Variants in RALYL observed in about 807,000 individuals in gnomAD.
The protein encoded by RALYL is RALY RNA binding protein like.
Under a neutral mutation model 35.1 loss-of-function variants are expected in RALYL, and 29 were observed. That is an observed-to-expected ratio of 0.83 (90% CI 0.61 to 1.13). RALYL has a LOEUF of 1.13. Ranked by LOEUF, RALYL falls within the 50% of genes most tolerant of loss-of-function variation. The probability of loss-of-function intolerance (pLI) is 0.00; values close to 1 mark genes in which losing one functional copy is unlikely to be tolerated. For synonymous variants in RALYL, 120 were observed against 127.6 expected (o/e 0.94, Z 0.40); for missense variants, 359 against 360.4 (o/e 1.00, Z 0.03).
At chr8:84,537,173 A>C (rs1203249110) in intron 2 of RALYL, among the ~76,000 whole-genome samples, 1 of 149,460 alleles carries the variant, frequency 6.7e-6, no homozygotes, top group South Asian at 2.1e-4. Context: ...AAAAAAAAAA[A>C]AAACTCTATT....
chr8:84,693,000 T>A (rs1206622972), intron 2 of RALYL, among the ~76,000 whole-genome samples: 1 of 151,958 alleles, frequency 6.6e-6, no homozygotes, highest in Non-Finnish European at 1.5e-5. Flanking sequence ...TCTTCATAAA[T>A]AACATAGCCC....
rs892326713 is a variant in RALYL, at chr8:84,382,847, G to A, written c.-23-146452G>A. The stretch of plus-strand genomic sequence containing the variant: ...GTTATTTCATTTGTGAGCTTCTTTC[G>A]TAATAAAGACTCGTCAAATTTTCTA... On this transcript the variant is annotated intron_variant, in intron 1 of 8. Transcript: ENST00000521268. 5.3e-5 allele frequency among the ~76,000 whole-genome samples: 8 copies of A among 151,534 alleles called. No homozygotes were observed. The East Asian group carries it at 1.2e-3, about 22-fold the overall frequency.
chr8:84,501,292 T>G (rs1409806416), intron 1 of RALYL, among the ~76,000 whole-genome samples: 2 of 152,154 alleles, frequency 1.3e-5, no homozygotes, highest in Non-Finnish European at 2.9e-5. Context: ...ACATATTGTT[T>G]AAAAATGCGT....
chr8:84,472,556 AT>A (rs1563995081), intron 1 of RALYL, among the ~76,000 whole-genome samples: 1 of 152,212 alleles, frequency 6.6e-6, no homozygotes, highest in African/African-American at 2.4e-5. Flanking sequence ...ACTGGAATAC[AT>A]AAAGTACAGC....
chr8:84,762,576 G>T (rs1293468892), intron 2 of RALYL, among the ~76,000 whole-genome samples: 3 of 152,104 alleles, frequency 2.0e-5, no homozygotes, highest in Non-Finnish European at 2.9e-5. Context: ...CATAAGCAAT[G>T]GATTTTTTAA....
intron 3 of RALYL, among the ~76,000 whole-genome samples, chr8:84,802,051 C>T (rs1823427834): frequency 6.6e-6 from 1 of 152,148 alleles, no homozygotes; most frequent in African/African-American, 2.4e-5. Context: ...CATACTTTTT[C>T]TATAAAGGCC....
chr8:84,398,317 T>TA (rs1263955089), intron 1 of RALYL, among the ~76,000 whole-genome samples: 1 of 152,082 alleles, frequency 6.6e-6, no homozygotes, highest in Admixed American at 6.5e-5. Flanking sequence ...CTTTTTTTTT[T>TA]ATCCTTGCCA....
At chr8:84,464,408 T>C (rs1647192220) in intron 1 of RALYL, among the ~76,000 whole-genome samples, 1 of 151,454 alleles carries the variant, frequency 6.6e-6, no homozygotes, top group East Asian at 1.9e-4. Context: ...TTTTTGTTCT[T>C]GCGATAGTTT....
intron 5 of RALYL, among the ~76,000 whole-genome samples, chr8:84,854,471 T>C (rs1323462682): frequency 3.3e-5 from 5 of 152,210 alleles, no homozygotes; most frequent in Admixed American, 1.3e-4. Context: ...TTTTCTTCCA[T>C]TATAGCTGAT....
intron 1 of RALYL, among the ~76,000 whole-genome samples, chr8:84,265,075 C>G (rs1833034340): frequency 6.6e-6 from 1 of 152,150 alleles, no homozygotes. Flanking sequence ...GCTTGTAAAG[C>G]CTGCCCTAAT....
At chr8:84,231,002 G>A (rs1042315812) in intron 1 of RALYL, among the ~76,000 whole-genome samples, 6 of 152,130 alleles carry the variant, frequency 3.9e-5, no homozygotes, top group African/African-American at 1.4e-4. Context: ...TGGATATTAG[G>A]GATGCCAAGA....
chr8:84,417,716 C>G (rs918576644), intron 1 of RALYL, among the ~76,000 whole-genome samples: 37 of 151,968 alleles, frequency 2.4e-4, no homozygotes, highest in Non-Finnish European at 4.1e-4. Flanking sequence ...AGTGTTATAT[C>G]AGGGACGAGG....
At chr8:84,509,997 G>C (rs1172588229) in intron 1 of RALYL, among the ~76,000 whole-genome samples, 1 of 152,144 alleles carries the variant, frequency 6.6e-6, no homozygotes, top group Non-Finnish European at 1.5e-5. Flanking sequence ...TGGGAACTTA[G>C]CCTCTCCATG....
intron 2 of RALYL, among the ~76,000 whole-genome samples, chr8:84,691,929 G>T (rs1043596311): frequency 1.3e-4 from 19 of 151,932 alleles, no homozygotes; most frequent in Non-Finnish European, 2.5e-4. Context: ...TTCTAGAAAT[G>T]CAGATATGGT....
At chr8:84,547,736 A>C (rs911783933) in intron 2 of RALYL, among the ~76,000 whole-genome samples, 3 of 152,136 alleles carry the variant, frequency 2.0e-5, no homozygotes, top group Non-Finnish European at 4.4e-5. Context: ...TTATTGTATT[A>C]TTGAAGTTTT....
At chr8:84,399,842 C>A (rs903301397) in intron 1 of RALYL, among the ~76,000 whole-genome samples, 1 of 152,152 alleles carries the variant, frequency 6.6e-6, no homozygotes, top group Admixed American at 6.5e-5. Flanking sequence ...GGTTGAGAAT[C>A]TTTTATCCAA....
chr8:84,749,434 C>A (rs1466405044), intron 2 of RALYL, among the ~76,000 whole-genome samples: 2 of 152,130 alleles, frequency 1.3e-5, no homozygotes, highest in Non-Finnish European at 2.9e-5. Flanking sequence ...CACTTGGGAG[C>A]ACCTACTACA....
At chr8:84,666,971 C>T (rs1329662668) in intron 2 of RALYL, among the ~76,000 whole-genome samples, 1 of 152,020 alleles carries the variant, frequency 6.6e-6, no homozygotes, top group South Asian at 2.1e-4. Flanking sequence ...AGTAAGTAAT[C>T]TGTGATTACA....
chr8:84,804,189 C>CTCAA (rs1383250601), intron 3 of RALYL, among the ~76,000 whole-genome samples: 1 of 152,190 alleles, frequency 6.6e-6, no homozygotes, highest in African/African-American at 2.4e-5. Context: ...CCACAACCTT[C>CTCAA]AGGATTAGAC....
Sources: gnomAD v4.1 joint callset for allele counts (sites outside exome capture counted in the v4.1 genomes callset) on GRCh38, gnomAD v4.1.1 for gene constraint, MANE v1.5 for transcripts, NCBI Gene and HGNC (gene_info 2026-07-23, HGNC 2026-07-21) for gene names.